Variants in RNF216 observed in about 807,000 individuals in gnomAD.
RNF216 encodes ring finger protein 216, also known as E3 ubiquitin-protein ligase RNF216.
A neutral mutation model predicts 110.8 loss-of-function variants in RNF216; 72 were observed. That is an observed-to-expected ratio of 0.65 (90% CI 0.54 to 0.79). The LOEUF (loss-of-function observed/expected upper bound fraction) is 0.79. Among genes scored for constraint, RNF216 ranks in the 30% least tolerant of loss-of-function variants. The pLI is 0.00. For missense variants in RNF216, 1,342 were observed against 1,141.2 expected (o/e 1.18, Z -2.54); for synonymous variants, 495 against 407.5 (o/e 1.21, Z -2.59).
chr7:5,728,706 C>T (rs1169416678), intron 7 of RNF216, among the ~76,000 whole-genome samples: 2 of 152,212 alleles, frequency 1.3e-5, no homozygotes, highest in Admixed American at 6.5e-5. Flanking sequence ...TTAACCACTA[C>T]GATAACTCCA....
intron 1 of RNF216, among the ~76,000 whole-genome samples, chr7:5,768,701 G>A (rs550459369): frequency 6.8e-5 from 10 of 146,990 alleles, no homozygotes; most frequent in African/African-American, 1.8e-4. Context: ...TTGCTCTGTC[G>A]CCCAGGCTGG....
At chr7:5,776,283 A>T (rs1012007425) in intron 1 of RNF216, among the ~76,000 whole-genome samples, 6 of 152,050 alleles carry the variant, frequency 3.9e-5, no homozygotes, top group African/African-American at 1.4e-4. Context: ...TAAAGTCACT[A>T]GTGTAATAAA....
At chr7:5,744,169 A>C (rs1290798585) in intron 3 of RNF216, among the ~76,000 whole-genome samples, 1 of 152,176 alleles carries the variant, frequency 6.6e-6, no homozygotes, top group Non-Finnish European at 1.5e-5. Context: ...GCAGCCAAGA[A>C]GAAGAAGAAT....
At chr7:5,715,300 G>A in intron 10 of RNF216, 110 bp from the exon 11 acceptor site, 5 of 1,102,014 alleles carry the variant, frequency 4.5e-6, no homozygotes, top group Non-Finnish European at 6.6e-6. Flanking sequence ...CTGAGGTAAA[G>A]CAACCCATTT....
At chr7:5,701,064 T>G (rs903909780) in intron 13 of RNF216, among the ~76,000 whole-genome samples, 1 of 152,062 alleles carries the variant, frequency 6.6e-6, no homozygotes, top group Non-Finnish European at 1.5e-5. Flanking sequence ...AGCACAGCAG[T>G]GCTGTGGACA....
At chr7:5,687,370 G>A (rs1170207042) in intron 13 of RNF216, among the ~76,000 whole-genome samples, 1 of 132,336 alleles carries the variant, frequency 7.6e-6, no homozygotes, top group Admixed American at 7.6e-5. Context: ...CTCCATCCTG[G>A]GCAACAAGAG....
chr7:5,724,560 C>T (rs1221054547), intron 8 of RNF216, among the ~76,000 whole-genome samples: 1 of 152,172 alleles, frequency 6.6e-6, no homozygotes, highest in African/African-American at 2.4e-5. Flanking sequence ...TCAGCAGAGC[C>T]ACTGCTCCAC....
At chr7:5,755,586 T>G (rs1451806148) in intron 2 of RNF216, among the ~76,000 whole-genome samples, 3 of 152,238 alleles carry the variant, frequency 2.0e-5, no homozygotes, top group Non-Finnish European at 4.4e-5. Context: ...GAGTATATAT[T>G]CTTCTCTTTC....
intron 14 of RNF216, chr7:5,650,120 G>A (rs1414186305): frequency 1.3e-5 from 2 of 152,206 alleles, no homozygotes; most frequent in Admixed American, 1.3e-4. Context: ...CTGGTGGTCT[G>A]GAGGTCAGGC....
chr7:5,650,510 A>G (rs1299656796), intron 14 of RNF216, among the ~76,000 whole-genome samples: 2 of 151,936 alleles, frequency 1.3e-5, no homozygotes, highest in Admixed American at 1.3e-4. Flanking sequence ...CTGAGGAGAG[A>G]GTATGTTTGC....
intron 2 of RNF216, among the ~76,000 whole-genome samples, chr7:5,753,434 A>C (rs1795437745): frequency 6.6e-6 from 1 of 152,168 alleles, no homozygotes; most frequent in Non-Finnish European, 1.5e-5. Flanking sequence ...TTAAACACAA[A>C]CTTTAAGAAT....
intron 3 of RNF216, among the ~76,000 whole-genome samples, chr7:5,742,693 TCAAG>T (rs1262415191): frequency 6.8e-6 from 1 of 146,774 alleles, no homozygotes; most frequent in Non-Finnish European, 1.5e-5. Context: ...CCTCCCAGGT[TCAAG>T]CAATTATCCT....
chr7:5,637,101 C>G (rs936658607), intron 15 of RNF216, among the ~76,000 whole-genome samples: 1 of 152,122 alleles, frequency 6.6e-6, no homozygotes, highest in Admixed American at 6.5e-5. Context: ...AAAAAAAAAT[C>G]TATTTTTTCA....
intron 15 of RNF216, among the ~76,000 whole-genome samples, chr7:5,631,732 T>G (rs143882264): frequency 2.0e-4 from 31 of 152,172 alleles, no homozygotes; most frequent in African/African-American, 7.2e-4. Flanking sequence ...TTGGGAAACA[T>G]TGAACAAAAC....
At chr7:5,771,421 T>C (rs1044021984) in intron 1 of RNF216, among the ~76,000 whole-genome samples, 2 of 152,168 alleles carry the variant, frequency 1.3e-5, no homozygotes, top group African/African-American at 4.8e-5. Flanking sequence ...AAATTAAGCA[T>C]GTCTACTCAC....
At chr7:5,724,326 G>A (rs1793621571) in intron 8 of RNF216, among the ~76,000 whole-genome samples, 1 of 152,174 alleles carries the variant, frequency 6.6e-6, no homozygotes, top group Non-Finnish European at 1.5e-5. Flanking sequence ...AGTACATGCT[G>A]ACAAATATAA....
At chr7:5,700,519 G>C (rs969428162) in intron 13 of RNF216, among the ~76,000 whole-genome samples, 34 of 152,180 alleles carry the variant, frequency 2.2e-4, no homozygotes, top group African/African-American at 7.7e-4. Context: ...GAACTTAATA[G>C]GTGGTGTGTG....
intron 2 of RNF216, among the ~76,000 whole-genome samples, chr7:5,755,913 T>C (rs1179133431): frequency 2.6e-5 from 4 of 152,206 alleles, no homozygotes; most frequent in African/African-American, 4.8e-5. Context: ...CAGTGTAGGA[T>C]AGTACGTTGC....
At chr7:5,714,521 G>A (rs1190501012) in intron 11 of RNF216, among the ~76,000 whole-genome samples, 1 of 152,244 alleles carries the variant, frequency 6.6e-6, no homozygotes, top group Non-Finnish European at 1.5e-5. Flanking sequence ...GCCTCCCAAA[G>A]TGCTGGGATT....
Sources: allele counts gnomAD v4.1 joint callset (sites outside exome capture counted in the v4.1 genomes callset), GRCh38; gene constraint gnomAD v4.1.1; transcripts MANE v1.5; gene names NCBI Gene and HGNC (gene_info 2026-07-23, HGNC 2026-07-21).